PIP5K1B: variants seen among roughly 807,000 people sequenced by gnomAD.
PIP5K1B encodes the protein phosphatidylinositol-4-phosphate 5-kinase type 1 beta, also known as phosphatidylinositol 4-phosphate 5-kinase type-1 beta.
A neutral mutation model predicts 67.0 loss-of-function variants in PIP5K1B; 42 were observed. The observed-to-expected ratio is 0.63, with a 90% CI of 0.49 to 0.81. The LOEUF (loss-of-function observed/expected upper bound fraction) is 0.81, where lower values mean the gene tolerates loss of function less well. Ranked by LOEUF, PIP5K1B falls within the 30% of genes least tolerant of loss-of-function variation. The probability of loss-of-function intolerance (pLI) is 0.00; values close to 1 mark genes in which losing one functional copy is unlikely to be tolerated. For missense variants in PIP5K1B, 459 were observed against 646.3 expected, an observed-to-expected ratio of 0.71 and a Z score of 3.14; for synonymous variants, 214 against 231.4, an observed-to-expected ratio of 0.92 and a Z score of 0.68.
chr9:68,926,201 G>A (rs1192571714), intron 12 of PIP5K1B, among the ~76,000 whole-genome samples: 1 of 152,080 alleles, frequency 6.6e-6, no homozygotes, highest in Admixed American at 6.6e-5. Context: ...GGAGGATCTA[G>A]CCCTTTAATG....
intron 4 of PIP5K1B, among the ~76,000 whole-genome samples, chr9:68,855,273 C>T (rs1822710277): frequency 1.3e-5 from 2 of 152,156 alleles, no homozygotes; most frequent in African/African-American, 2.4e-5. Context: ...CAAAGCTTTT[C>T]CTCCTTCCAT....
At chr9:68,756,362 T>C (rs188859057) in intron 2 of PIP5K1B, among the ~76,000 whole-genome samples, 71 of 152,346 alleles carry the variant, frequency 4.7e-4, no homozygotes, top group African/African-American at 1.6e-3. Flanking sequence ...GTGGAAAAAA[T>C]AGATGTCTAA....
At chr9:68,802,510 A>G (rs1832653618) in intron 2 of PIP5K1B, among the ~76,000 whole-genome samples, 1 of 152,230 alleles carries the variant, frequency 6.6e-6, no homozygotes, top group East Asian at 1.9e-4. Flanking sequence ...TAGAAAGAGA[A>G]GAAATTTAAA....
chr9:68,795,307 T>C (rs1832229689), intron 2 of PIP5K1B, among the ~76,000 whole-genome samples: 1 of 152,222 alleles, frequency 6.6e-6, no homozygotes, highest in Admixed American at 6.5e-5. Context: ...CTTAGTCTTT[T>C]CATCTGTTAA....
chr9:68,923,466 A>G (rs1826518093), intron 12 of PIP5K1B, 80 bp downstream of exon 12: 1 of 710,022 alleles, frequency 1.4e-6, no homozygotes, highest in Non-Finnish European at 2.4e-6. Flanking sequence ...TATTGGAAGA[A>G]CTAACACATT....
intron 15 of PIP5K1B, among the ~76,000 whole-genome samples, chr9:68,996,791 G>T (rs1295621106): frequency 2.6e-5 from 4 of 152,206 alleles, no homozygotes; most frequent in Admixed American, 2.6e-4. Flanking sequence ...GGGAATGGCT[G>T]GGTAAGTGGG....
chr9:68,923,428 A>C (rs1826515522), intron 12 of PIP5K1B, 42 bp downstream of exon 12: 2 of 986,540 alleles, frequency 2.0e-6, no homozygotes, highest in African/African-American at 3.3e-5. Flanking sequence ...TTAGCAGCTA[A>C]TTTCATTATG....
At chr9:68,963,235 G>A (rs1053404179) in intron 14 of PIP5K1B, 1 of 456,212 alleles carries the variant, frequency 2.2e-6, no homozygotes, top group Non-Finnish European at 4.4e-6. Flanking sequence ...CCTGTGTGTG[G>A]CTCACACCTG....
chr9:68,831,737 G>A (rs1834332365), intron 4 of PIP5K1B, among the ~76,000 whole-genome samples: 1 of 152,030 alleles, frequency 6.6e-6, no homozygotes, highest in South Asian at 2.1e-4. Context: ...GTGCAGTGGT[G>A]TGATCTCAGC....
rs373195481 is a variant in PIP5K1B at position 68,894,560 on chromosome 9, G to T, written c.693G>T (p.Leu231=). Residue 231 remains leucine, a synonymous_variant, in exon 8 of 16, where the codon CTG becomes CTT. Transcript: ENST00000265382. ...CCACATTTAAGGACTTAGATTTCCT[G>T]CAAGACATGCACGAAGGGTTGTATT... is the stretch of plus-strand genomic sequence containing the variant. The part of the protein sequence containing the change: ...SNPTFKDLDF[L]QDMHEGLYFD... The T allele has an allele frequency of 1.9e-6, 3 of 1,614,038 alleles. No individual in the cohort carries two copies. The highest frequency in any genetic ancestry group is 2.5e-6 in the Non-Finnish European group (3 of 1,179,990).
chr9:68,788,750 C>A, intron 2 of PIP5K1B: 1 of 272,112 alleles, frequency 3.7e-6, no homozygotes, highest in East Asian at 1.0e-4. Context: ...CTATCACTCC[C>A]TCTGTGGTCT....
chr9:68,940,995 G>A, intron 14 of PIP5K1B: 1 of 663,566 alleles, frequency 1.5e-6, no homozygotes, highest in South Asian at 1.5e-5. Context: ...CTTTACAGTT[G>A]ATCATTATGT....
At chr9:68,706,476 C>T (rs1388502413) in intron 1 of PIP5K1B, among the ~76,000 whole-genome samples, 2 of 152,198 alleles carry the variant, frequency 1.3e-5, no homozygotes, top group Admixed American at 6.5e-5. Context: ...CCCCAACCCC[C>T]AGCTCTCTTG....
intron 5 of PIP5K1B, among the ~76,000 whole-genome samples, chr9:68,871,280 A>G (rs1276010567): frequency 6.6e-6 from 1 of 152,220 alleles, no homozygotes; most frequent in Non-Finnish European, 1.5e-5. Flanking sequence ...AGGAACGTCA[A>G]GTCTAAGTTA....
At chr9:68,780,204 C>G (rs1187128780) in intron 2 of PIP5K1B, 10 of 1,536,322 alleles carry the variant, frequency 6.5e-6, no homozygotes, top group Non-Finnish European at 8.7e-6. Context: ...GGAGCTGCCT[C>G]CGGGTACGGG....
chr9:68,782,373 T>A (rs1831339960), intron 2 of PIP5K1B: 1 of 167,056 alleles, frequency 6.0e-6, no homozygotes, highest in African/African-American at 2.4e-5. Context: ...TTCTTTTCTT[T>A]ACCTTTACAA....
At chr9:68,906,289 G>A (rs1275160595) in intron 8 of PIP5K1B, among the ~76,000 whole-genome samples, 1 of 152,200 alleles carries the variant, frequency 6.6e-6, no homozygotes. Context: ...AAAGTGCTGG[G>A]ATTACAGGTG....
At chr9:68,907,758 C>T (rs909640699) in intron 8 of PIP5K1B, among the ~76,000 whole-genome samples, 1 of 152,090 alleles carries the variant, frequency 6.6e-6, no homozygotes, top group Non-Finnish European at 1.5e-5. Context: ...CAAACAGTTC[C>T]GAATTTTCTC....
At chr9:68,755,274 G>A (rs1009076503) in intron 2 of PIP5K1B, among the ~76,000 whole-genome samples, 2 of 152,116 alleles carry the variant, frequency 1.3e-5, no homozygotes, top group Non-Finnish European at 2.9e-5. Flanking sequence ...ATCCACTTTC[G>A]TTTTTACTAC....
Sources: allele counts gnomAD v4.1 joint callset (sites outside exome capture counted in the v4.1 genomes callset), GRCh38; gene constraint gnomAD v4.1.1; transcripts MANE v1.5; gene names NCBI Gene and HGNC (gene_info 2026-07-23, HGNC 2026-07-21).